Variants in HIP1 observed in about 807,000 individuals in gnomAD.
The protein encoded by HIP1 is huntingtin interacting protein 1.
Under a neutral mutation model 147.6 loss-of-function variants are expected in HIP1, and 65 were observed. The ratio of observed to expected loss-of-function variants is 0.44; its 90% confidence interval spans 0.36 to 0.54. The LOEUF (loss-of-function observed/expected upper bound fraction) is 0.54, where lower values mean the gene tolerates loss of function less well. Ranked by LOEUF, HIP1 falls within the 20% of genes least tolerant of loss-of-function variation. The pLI, the probability that HIP1 is intolerant of heterozygous loss-of-function variation, is 0.00. For missense variants in HIP1, 1,061 were observed against 1,299.6 expected (o/e 0.82, Z 2.82); for synonymous variants, 479 against 504.0 (o/e 0.95, Z 0.67).
At chr7:75,680,564 C>T (rs1401822586) in intron 1 of HIP1, among the ~76,000 whole-genome samples, 1 of 152,076 alleles carries the variant, frequency 6.6e-6, no homozygotes, top group African/African-American at 2.4e-5. Context: ...TCATCTGCTT[C>T]CAAACCTTTG....
intron 30 of HIP1, among the ~76,000 whole-genome samples, chr7:75,538,676 G>A (rs1226280153): frequency 5.4e-5 from 8 of 149,014 alleles, no homozygotes; most frequent in East Asian, 4.0e-4. Flanking sequence ...CCGGGTTCAC[G>A]CCATTCTCCT....
chr7:75,592,009 G>A, intron 4 of HIP1, 47 bp downstream of exon 4: 1 of 1,457,868 alleles, frequency 6.9e-7, no homozygotes, highest in South Asian at 1.1e-5. Flanking sequence ...GGCCTCTGAG[G>A]AAGGAAAGGA....
rs533751823 is a variant in HIP1 at position 75,639,590 on chromosome 7, T to TGTGTGTGTGTGC, written c.121-40344_121-40343insGCACACACACAC. On this transcript the variant is annotated intron_variant, in intron 1 of 30. Transcript: ENST00000336926. ...GTGTGTGTGTGTGTGTGTGTGTGTG[T>TGTGTGTGTGTGC]GTGCGCCCGCGTGTGTGTGCAGGCG... 9.8e-3 allele frequency among the ~76,000 whole-genome samples: 1,478 copies of TGTGTGTGTGTGC among 150,084 alleles called. 29 individuals are homozygous for TGTGTGTGTGTGC. The highest frequency in any genetic ancestry group is 0.032 in the African/African-American group (1,312 of 40,454).
chr7:75,540,263 A>G (rs1305403944), intron 29 of HIP1, among the ~76,000 whole-genome samples: 3 of 152,028 alleles, frequency 2.0e-5, no homozygotes, highest in Non-Finnish European at 4.4e-5. Flanking sequence ...CCCCGTCTCT[A>G]CTAAAAATAT....
chr7:75,566,433 T>C (rs1795404835), intron 9 of HIP1, among the ~76,000 whole-genome samples: 13 of 151,554 alleles, frequency 8.6e-5, no homozygotes, highest in Admixed American at 8.5e-4. Context: ...AGCTGTTACA[T>C]TTATACCCAC....
intron 1 of HIP1, among the ~76,000 whole-genome samples, chr7:75,616,584 G>GGGAGGAGGAGGAGGAGGA (rs782489721): frequency 1.7e-4 from 25 of 145,964 alleles, no homozygotes; most frequent in African/African-American, 5.0e-4. Flanking sequence ...TTTAAGGGTG[G>GGGAGGAGGAGGAGGAGGA]GGAGGAGGAG....
At chr7:75,689,942 G>C (rs782008698) in intron 1 of HIP1, among the ~76,000 whole-genome samples, 2 of 152,062 alleles carry the variant, frequency 1.3e-5, no homozygotes, top group Non-Finnish European at 2.9e-5. Context: ...CCTGGCTCCC[G>C]GTCTGCAGCC....
At chr7:75,617,359 G>A (rs1310762733) in intron 1 of HIP1, among the ~76,000 whole-genome samples, 3 of 151,986 alleles carry the variant, frequency 2.0e-5, no homozygotes, top group Admixed American at 1.3e-4. Context: ...GATTACAAGC[G>A]TGAGCCACCG....
rs181404399 is a variant in HIP1 at position 75,693,803 on chromosome 7, G to C, written c.120+44998C>G. Reference sequence around the variant, plus strand: ...AGGGAGGGAGGGAGGGGGAGAGAAAGAGAGAGAGAAAGAAAGAAAATAAAT... The same window carrying C: ...AGGGAGGGAGGGAGGGGGAGAGAAACAGAGAGAGAAAGAAAGAAAATAAAT... On this transcript the variant is annotated intron_variant, in intron 1 of 30. Transcript: ENST00000336926. 1.6e-3 allele frequency among the ~76,000 whole-genome samples: 246 copies of C among 151,848 alleles called. 2 individuals carry two copies. Among genetic ancestry groups the C allele is most frequent in the African/African-American group, 5.6e-3 (233 of 41,412 alleles).
intron 8 of HIP1, among the ~76,000 whole-genome samples, chr7:75,572,849 C>T (rs587671598): frequency 6.6e-6 from 1 of 152,262 alleles, no homozygotes; most frequent in South Asian, 2.1e-4. Context: ...CCGCCCCCAG[C>T]CCCAGCTGCA....
intron 4 of HIP1, among the ~76,000 whole-genome samples, chr7:75,589,835 T>A (rs1554500362): frequency 6.6e-6 from 1 of 151,306 alleles, no homozygotes; most frequent in East Asian, 1.9e-4. Flanking sequence ...GGTTCACGCC[T>A]TTCTCCTGCC....
chr7:75,565,680 A>G (rs886320394), intron 9 of HIP1, among the ~76,000 whole-genome samples: 2 of 148,208 alleles, frequency 1.3e-5, no homozygotes, highest in African/African-American at 5.0e-5. Flanking sequence ...TGTCCTCCCA[A>G]CTCTCACTCT....
chr7:75,664,570 G>A (rs557160480), intron 1 of HIP1, among the ~76,000 whole-genome samples: 80 of 148,482 alleles, frequency 5.4e-4, no homozygotes, highest in South Asian at 1.3e-3. Flanking sequence ...GTATGTATAC[G>A]TATACATACA....
intron 1 of HIP1, among the ~76,000 whole-genome samples, chr7:75,640,888 A>C (rs183277669): frequency 3.9e-5 from 6 of 152,268 alleles, no homozygotes; most frequent in Non-Finnish European, 1.5e-5. Flanking sequence ...GGCATCTCCT[A>C]TCATGGCCCC....
chr7:75,546,477 A>G (rs1183049775), intron 25 of HIP1, among the ~76,000 whole-genome samples: 1 of 152,202 alleles, frequency 6.6e-6, no homozygotes, highest in Non-Finnish European at 1.5e-5. Flanking sequence ...GATGATGATA[A>G]TCCCAGCAAA....
At position 75,559,830 on chromosome 7, in the gene HIP1, G is replaced by T; in HGVS notation, c.1277C>A (p.Ala426Glu). Reference sequence around the variant, plus strand: ...CCGCAGGAATTCACAGTCGTCGGCCGCCTGCTGCCGCAGGTGCTGCTGCTC... The same window carrying T: ...CCGCAGGAATTCACAGTCGTCGGCCTCCTGCTGCCGCAGGTGCTGCTGCTC... ...LAEQQHLRQQ[A>E]ADDCEFLRAE... The change falls in exon 14 of 31, where the codon GCG becomes GAG. Residue 426 changes from alanine (A) to glutamate (E), a missense_variant. Physicochemically the swap from Ala to Glu is moderately radical, Grantham distance 107 (BLOSUM62 -1). Coordinates refer to ENST00000336926, the MANE Select transcript of HIP1 (RefSeq NM_005338.7). The T allele has an allele frequency of 6.2e-7, 1 of 1,612,224 alleles. No individual in the cohort carries two copies. The highest frequency in any genetic ancestry group is 8.5e-7 in the Non-Finnish European group (1 of 1,179,776).
At chr7:75,662,525 A>C (rs1584930277) in intron 1 of HIP1, among the ~76,000 whole-genome samples, 2 of 152,048 alleles carry the variant, frequency 1.3e-5, no homozygotes, top group African/African-American at 4.8e-5. Flanking sequence ...TTTATTTTTG[A>C]GACAGCGTCT....
chr7:75,556,919 G>A (rs892132255), intron 16 of HIP1, 108 bp from the exon 17 acceptor site: 15 of 699,292 alleles, frequency 2.1e-5, no homozygotes, highest in Non-Finnish European at 3.7e-5. Flanking sequence ...AAACTCTACT[G>A]TATGTAAGTT....
At chr7:75,542,003 G>T (rs2116731121) in intron 28 of HIP1, 23 bp from the exon 29 acceptor site, 2 of 1,608,736 alleles carry the variant, frequency 1.2e-6, no homozygotes, top group Non-Finnish European at 1.7e-6. Flanking sequence ...AAACAAGAAG[G>T]TCTCATCAAA....
Sources: allele counts gnomAD v4.1 joint callset (sites outside exome capture counted in the v4.1 genomes callset), GRCh38; gene constraint gnomAD v4.1.1; transcripts MANE v1.5; gene names NCBI Gene and HGNC (gene_info 2026-07-23, HGNC 2026-07-21).